PCDHGA2: variants seen among roughly 807,000 people sequenced by gnomAD.
The protein encoded by PCDHGA2 is protocadherin gamma subfamily A, 2, also known as protocadherin gamma-A2.
In PCDHGA2, 40 loss-of-function variants were observed where a neutral mutation model predicts 59.2. The observed-to-expected ratio is 0.68, with a 90% CI of 0.52 to 0.88. The LOEUF (loss-of-function observed/expected upper bound fraction) is 0.88, where lower values mean the gene tolerates loss of function less well. PCDHGA2 is among the 40% of genes least tolerant of loss of function. PCDHGA2 has a pLI of 0.00. For missense variants in PCDHGA2, 1,226 were observed against 1,204.0 expected, an observed-to-expected ratio of 1.02 and a Z score of -0.27; for synonymous variants, 560 against 526.0, an observed-to-expected ratio of 1.06 and a Z score of -0.89.
intron 1 of PCDHGA2, chr5:141,364,745 A>G: frequency 6.2e-7 from 1 of 1,613,986 alleles, no homozygotes; most frequent in Non-Finnish European, 8.5e-7. Context: ...TGAAGAGTTA[A>G]AAGTAAAAGT....
At chr5:141,382,378 C>A (rs1160680038) in intron 1 of PCDHGA2, among the ~76,000 whole-genome samples, 1 of 152,098 alleles carries the variant, frequency 6.6e-6, no homozygotes, top group Non-Finnish European at 1.5e-5. Context: ...TTTTTGCCTT[C>A]AATAACTGAT....
At chr5:141,419,190 A>G in intron 1 of PCDHGA2, 1 of 1,613,930 alleles carries the variant, frequency 6.2e-7, no homozygotes, top group South Asian at 1.1e-5. Flanking sequence ...CACATTACTG[A>G]CGTCAATGAC....
chr5:141,366,736 A>G (rs1165089619), intron 1 of PCDHGA2: 6 of 1,612,430 alleles, frequency 3.7e-6, no homozygotes, highest in Admixed American at 1.7e-5. Context: ...CAAACAAAGA[A>G]GAACGGCGAG....
chr5:141,406,257 C>T (rs1180988990), intron 1 of PCDHGA2, among the ~76,000 whole-genome samples: 1 of 151,898 alleles, frequency 6.6e-6, no homozygotes, highest in African/African-American at 2.4e-5. Context: ...TGGTCTCAAA[C>T]GATCTTCCTG....
At chr5:141,390,285 A>T (rs1428739924) in intron 1 of PCDHGA2, 1 of 1,613,968 alleles carries the variant, frequency 6.2e-7, no homozygotes, top group Non-Finnish European at 8.5e-7. Flanking sequence ...CCATCAGGTG[A>T]GTTTCCTTTA....
intron 1 of PCDHGA2, among the ~76,000 whole-genome samples, chr5:141,479,965 T>C (rs2099510479): frequency 6.6e-6 from 1 of 152,234 alleles, no homozygotes; most frequent in East Asian, 1.9e-4. Context: ...GTTAGTCAAA[T>C]GAGGTTCTAC....
In PCDHGA2 at chr5:141,339,483, C is replaced by A. The variant is rs1756842461; in HGVS notation, c.512C>A (p.Ala171Glu). Residue 171 changes from alanine to glutamate, a missense_variant, in exon 1 of 4, where the codon GCA becomes GAA. By Grantham distance (107) the Ala-to-Glu change is moderately radical (BLOSUM62 -1). Transcript: ENST00000394576. Reference sequence around the variant, plus strand: ...GGTGAGAACGCCCTTCAGAAGTACGCACTCAACCCAAATGACCACTTCTCC... The same window carrying A: ...GGTGAGAACGCCCTTCAGAAGTACGAACTCAACCCAAATGACCACTTCTCC... Reference protein sequence around the residue: ...DVGENALQKYALNPNDHFSLD... With the variant: ...DVGENALQKYELNPNDHFSLD... 6.2e-7 allele frequency: 1 copy of A among 1,614,072 alleles called. No homozygotes were observed. The highest frequency in any genetic ancestry group is 1.3e-5 in the African/African-American group (1 of 74,924).
intron 1 of PCDHGA2, chr5:141,389,721 G>A (rs1477842058): frequency 2.5e-6 from 4 of 1,612,502 alleles, no homozygotes; most frequent in Non-Finnish European, 1.7e-6. Context: ...TAGCGAGCCC[G>A]GGCTCTTCAG....
chr5:141,344,748 C>G (rs1004554278), intron 1 of PCDHGA2: 3 of 1,613,884 alleles, frequency 1.9e-6, no homozygotes, highest in Non-Finnish European at 2.5e-6. Context: ...AAATGACAAC[C>G]CACCAATGTT....
At chr5:141,403,348 G>C (rs1031512427) in intron 1 of PCDHGA2, 2 of 1,614,052 alleles carry the variant, frequency 1.2e-6, no homozygotes, top group Middle Eastern at 1.6e-4. Flanking sequence ...GCGCCCCAAA[G>C]TTCCAGGCCG....
chr5:141,340,926 C>A lies in PCDHGA2; in HGVS notation c.1955C>A (p.Pro652His). 4 of 1,613,806 alleles carry A rather than the reference C, an allele frequency of 2.5e-6. No homozygotes were observed. The highest frequency in any genetic ancestry group is 3.4e-6 in the Non-Finnish European group (4 of 1,179,928). ...GTGGCCATCCAGGACCACGGCCAGC[C>A]CCCTCTCTCCGCCACTGTCACGCTC... The part of the protein sequence containing the change: ...LVVAIQDHGQ[P>H]PLSATVTLTV... Residue 652 changes from proline to histidine, a missense_variant, in exon 1 of 4, where the codon CCC becomes CAC. Transcript: ENST00000394576.
intron 1 of PCDHGA2, chr5:141,427,677 C>G: frequency 1.2e-6 from 1 of 816,672 alleles, no homozygotes; most frequent in Non-Finnish European, 2.1e-6. Context: ...AAACAACCTT[C>G]CCGGAGCCTC....
At chr5:141,376,685 T>TTTTGTTTTG (rs945381584) in intron 1 of PCDHGA2, 1 of 813,646 alleles carries the variant, frequency 1.2e-6, no homozygotes, top group African/African-American at 1.9e-5. Flanking sequence ...CGTTTTTTTT[T>TTTTGTTTTG]TTTTTTTTTT....
rs369748404 is a variant in PCDHGA2 at position 141,476,671 on chromosome 5, G to A, written c.2425-18136G>A. The A allele has an allele frequency of 6.2e-7, 1 of 1,614,128 alleles. No homozygotes were observed. Among genetic ancestry groups the A allele is most frequent in the Non-Finnish European group, 8.5e-7 (1 of 1,180,056 alleles). On this transcript the variant is annotated intron_variant, in intron 1 of 3. Coordinates refer to ENST00000394576, the MANE Select transcript of PCDHGA2 (RefSeq NM_018915.4). This position sits in a 1 kb window ranked among gnomAD's most constrained non-coding sequence, Gnocchi z 7.6. ...ATGAATACTTTGCGCTTCGCGTGCA[G>A]ACGCGGGAGGACAGCACCAAGTACG...
At chr5:141,357,432 C>G in intron 1 of PCDHGA2, 1 of 1,614,212 alleles carries the variant, frequency 6.2e-7, no homozygotes, top group Non-Finnish European at 8.5e-7. Context: ...TGGGCGTGGA[C>G]GGGGTTCGGG....
chr5:141,365,394 C>A (rs1245270195), intron 1 of PCDHGA2: 2 of 1,613,822 alleles, frequency 1.2e-6, no homozygotes, highest in Admixed American at 1.7e-5. Context: ...CTGACCAGTT[C>A]GATCTCTGAA....
At chr5:141,395,558 G>T (rs60237573) in intron 1 of PCDHGA2, 12 of 127,934 alleles carry the variant, frequency 9.4e-5, no homozygotes, top group African/African-American at 5.1e-4. Context: ...GTGTGTGTGT[G>T]TGTGTGTGTG....
Position 141,489,784 on chromosome 5 carries a change from G to A in PCDHGA2, c.2425-5023G>A. 1 of 1,614,218 alleles carries A rather than the reference G, an allele frequency of 6.2e-7. No individual in the cohort carries two copies. Among genetic ancestry groups the A allele is most frequent in the Non-Finnish European group, 8.5e-7 (1 of 1,180,010 alleles). On this transcript the variant is annotated intron_variant, in intron 1 of 3. Transcript: ENST00000394576. This position sits in a 1 kb window ranked among gnomAD's most constrained non-coding sequence, Gnocchi z 4.5. ...CCCCAACAGCCACTTCTCTCTGAAT[G>A]TGAAGACCCTAAAAGATGGGAAGCC...
intron 1 of PCDHGA2, chr5:141,374,747 C>A (rs764039295): frequency 1.9e-6 from 3 of 1,612,140 alleles, no homozygotes; most frequent in Non-Finnish European, 2.5e-6. Context: ...CGACCCTGTC[C>A]GCTCAAGCGT....
Sources: gnomAD v4.1 joint callset for allele counts (sites outside exome capture counted in the v4.1 genomes callset) on GRCh38, gnomAD v4.1.1 for gene constraint, Gnocchi (gnomAD v3.1) non-coding constraint, MANE v1.5 for transcripts, NCBI Gene and HGNC (gene_info 2026-07-23, HGNC 2026-07-21) for gene names.